LRRFIP2: variants seen among roughly 807,000 people sequenced by gnomAD.
The protein encoded by LRRFIP2 is LRR binding FLII interacting protein 2.
Under a neutral mutation model 125.9 loss-of-function variants are expected in LRRFIP2, and 109 were observed. The observed-to-expected ratio is 0.87, with a 90% CI of 0.74 to 1.01. LRRFIP2 has a LOEUF of 1.01. Ranked by LOEUF, LRRFIP2 falls within the 50% of genes least tolerant of loss-of-function variation. The probability of loss-of-function intolerance (pLI) is 0.00; values close to 1 mark genes in which losing one functional copy is unlikely to be tolerated. For missense variants in LRRFIP2, 850 were observed against 862.3 expected, an observed-to-expected ratio of 0.99 and a Z score of 0.18; for synonymous variants, 291 against 293.1, an observed-to-expected ratio of 0.99 and a Z score of 0.07.
At chr3:37,135,032 C>T (rs1014229681) in intron 2 of LRRFIP2, 18 of 1,456,168 alleles carry the variant, frequency 1.2e-5, no homozygotes, top group African/African-American at 5.6e-5. Context: ...AGAGAGCACA[C>T]GGATCCATAA....
intron 6 of LRRFIP2, 28 bp from the exon 7 acceptor site, chr3:37,115,123 G>A (rs373688613): frequency 2.9e-4 from 453 of 1,544,584 alleles, no homozygotes; most frequent in Non-Finnish European, 3.8e-4. Context: ...ATGAAAGTTG[G>A]TTTGTTTCCA....
chr3:37,078,712 T>C (rs1309219346), intron 19 of LRRFIP2, among the ~76,000 whole-genome samples: 2 of 152,158 alleles, frequency 1.3e-5, no homozygotes, highest in African/African-American at 4.8e-5. Flanking sequence ...CTAGCACTCA[T>C]ACTAAAACAG....
intron 1 of LRRFIP2, among the ~76,000 whole-genome samples, chr3:37,165,951 A>T (rs1218029774): frequency 6.6e-6 from 1 of 152,208 alleles, no homozygotes; most frequent in African/African-American, 2.4e-5. Flanking sequence ...TATATGGGAA[A>T]AACTTCATGA....
intron 2 of LRRFIP2, among the ~76,000 whole-genome samples, chr3:37,129,899 A>G (rs1559981770): frequency 6.6e-6 from 1 of 152,212 alleles, no homozygotes; most frequent in Non-Finnish European, 1.5e-5. Flanking sequence ...TGGCTGAGAC[A>G]GGAAAATTAC....
intron 6 of LRRFIP2, among the ~76,000 whole-genome samples, chr3:37,120,962 T>C (rs1291000122): frequency 2.6e-5 from 4 of 152,284 alleles, no homozygotes; most frequent in Non-Finnish European, 5.9e-5. Context: ...TCCTGACTTA[T>C]AACAATCCAT....
At position 37,127,712 on chromosome 3, in the gene LRRFIP2, G is replaced by C. The variant is rs756805949; in HGVS notation, c.178-32C>G. 5.1e-6 allele frequency: 8 copies of C among 1,559,774 alleles called. No homozygotes were observed. In the South Asian group the frequency reaches 6.7e-5, roughly 13 times the overall value. On this transcript the variant is annotated intron_variant, in intron 3 of 27. Coordinates refer to ENST00000336686, the MANE Select transcript of LRRFIP2 (RefSeq NM_006309.4). Reference sequence around the variant, plus strand: ...ATGCAAAAATTTCATAAACCAAATAGTTTCTAACATATTGCATTCTCCAAA... The same window carrying C: ...ATGCAAAAATTTCATAAACCAAATACTTTCTAACATATTGCATTCTCCAAA...
intron 2 of LRRFIP2, among the ~76,000 whole-genome samples, chr3:37,133,666 T>TAATG (rs140216469): frequency 0.016 from 2,377 of 152,252 alleles, 65 homozygotes; most frequent in African/African-American, 0.052. Flanking sequence ...ACTCACTATT[T>TAATG]AATGAGTACA....
intron 25 of LRRFIP2, among the ~76,000 whole-genome samples, chr3:37,057,731 A>G (rs1469073173): frequency 6.6e-6 from 1 of 152,172 alleles, no homozygotes; most frequent in Non-Finnish European, 1.5e-5. Flanking sequence ...GGAATAAACA[A>G]GATTTTAATA....
intron 18 of LRRFIP2, among the ~76,000 whole-genome samples, chr3:37,084,436 T>C (rs2092888265): frequency 6.6e-6 from 1 of 151,450 alleles, no homozygotes. Flanking sequence ...GCCAAGGGGG[T>C]AGACTGCTTG....
rs1479683879 is a variant in LRRFIP2, at chr3:37,066,307, C to A, written c.1483G>T (p.Glu495Ter). ...TCATTCCTAAGGCAGGCAATGTATT[C>A]TTTCTGTTTCTCTAGGGCCTGGTTT... The part of the protein sequence containing the change: ...KKIGALEKQK[E>*]YIACLRNERD... Residue 495 changes from glutamate to a stop codon, truncating the protein, a stop_gained, in exon 22 of 28, where the codon GAA (glutamate) becomes TAA (stop). Coordinates refer to ENST00000336686, the MANE Select transcript of LRRFIP2 (RefSeq NM_006309.4). LOFTEE classifies it high-confidence loss of function. 1.2e-6 allele frequency: 2 copies of A among 1,614,108 alleles called. No individual in the cohort carries two copies. Among genetic ancestry groups the A allele is most frequent in the Admixed American group, 3.3e-5 (2 of 60,020 alleles).
At chr3:37,078,178 A>T (rs1410094574) in intron 19 of LRRFIP2, among the ~76,000 whole-genome samples, 5 of 152,134 alleles carry the variant, frequency 3.3e-5, no homozygotes, top group Admixed American at 6.5e-5. Context: ...TAAATTTTTT[A>T]AAATAAAAAT....
intron 19 of LRRFIP2, among the ~76,000 whole-genome samples, chr3:37,080,797 A>T (rs1208518941): frequency 6.6e-6 from 1 of 152,200 alleles, no homozygotes; most frequent in Non-Finnish European, 1.5e-5. Context: ...CCTATACATG[A>T]AAAGAGACTT....
At chr3:37,134,338 A>C (rs1048700800) in intron 2 of LRRFIP2, among the ~76,000 whole-genome samples, 17 of 152,220 alleles carry the variant, frequency 1.1e-4, no homozygotes, top group African/African-American at 4.1e-4. Context: ...GACACTAAGA[A>C]AGAACTTCTC....
intron 19 of LRRFIP2, among the ~76,000 whole-genome samples, chr3:37,080,125 C>T (rs982005502): frequency 5.3e-5 from 8 of 152,004 alleles, no homozygotes; most frequent in Admixed American, 1.3e-4. Flanking sequence ...ATAGGCCAGG[C>T]GCAGTGGCTC....
At chr3:37,132,995 G>A (rs928329200) in intron 2 of LRRFIP2, among the ~76,000 whole-genome samples, 4 of 151,868 alleles carry the variant, frequency 2.6e-5, no homozygotes, top group Admixed American at 2.0e-4. Context: ...AGGACAAGGC[G>A]GGCAGATCAC....
chr3:37,055,190 T>C (rs769934689), intron 25 of LRRFIP2, 25 bp from the exon 26 acceptor site: 2 of 1,400,880 alleles, frequency 1.4e-6, no homozygotes, highest in South Asian at 2.5e-5. Context: ...GACAATGAAT[T>C]ATCTTCACCT....
chr3:37,106,464 G>A (rs977136929), intron 13 of LRRFIP2, among the ~76,000 whole-genome samples: 15 of 152,076 alleles, frequency 9.9e-5, no homozygotes, highest in Admixed American at 8.5e-4. Flanking sequence ...ACCCCAACCT[G>A]CAAATGAAAT....
At chr3:37,157,131 A>G (rs1010235892) in intron 1 of LRRFIP2, among the ~76,000 whole-genome samples, 2 of 151,894 alleles carry the variant, frequency 1.3e-5, no homozygotes, top group Non-Finnish European at 2.9e-5. Context: ...CCCCGTCTCA[A>G]AACAAACAAA....
intron 2 of LRRFIP2, among the ~76,000 whole-genome samples, chr3:37,144,470 G>A (rs2095806022): frequency 6.6e-6 from 1 of 152,164 alleles, no homozygotes; most frequent in Non-Finnish European, 1.5e-5. Context: ...AGCCAGGCAT[G>A]GTAGTGGTGC....
Sources: gnomAD v4.1 joint callset for allele counts (sites outside exome capture counted in the v4.1 genomes callset) on GRCh38, gnomAD v4.1.1 for gene constraint, MANE v1.5 for transcripts, NCBI Gene and HGNC (gene_info 2026-07-23, HGNC 2026-07-21) for gene names.